The following TTC7A variants were observed in gnomAD, a reference collection of about 807,000 sequenced individuals.
The protein encoded by TTC7A is tetratricopeptide repeat domain 7A, also known as tetratricopeptide repeat protein 7A.
In TTC7A, 110 loss-of-function variants were observed where a neutral mutation model predicts 103.7. The ratio of observed to expected loss-of-function variants is 1.06; its 90% CI spans 0.91 to 1.24. The LOEUF (loss-of-function observed/expected upper bound fraction) is 1.24. Ranked by LOEUF, TTC7A falls within the 50% of genes most tolerant of loss-of-function variation. The pLI is 0.00. For synonymous variants in TTC7A, 521 were observed against 467.9 expected (o/e 1.11, Z -1.47); for missense variants, 1,340 against 1,116.3 (o/e 1.20, Z -2.86).
At chr2:46,979,926 G>A (rs1368527735) in intron 5 of TTC7A, among the ~76,000 whole-genome samples, 1 of 152,156 alleles carries the variant, frequency 6.6e-6, no homozygotes, top group African/African-American at 2.4e-5. Flanking sequence ...TCCCCCGTGC[G>A]TAGTCACGCC....
chr2:46,925,239 C>T (rs867032121), intron 2 of TTC7A, among the ~76,000 whole-genome samples: 123 of 152,214 alleles, frequency 8.1e-4, no homozygotes, highest in African/African-American at 2.6e-3. Flanking sequence ...TACCGGCATG[C>T]ACCACCACAC....
At chr2:46,999,536 C>G (rs1000702953) in intron 8 of TTC7A, 1 of 985,302 alleles carries the variant, frequency 1.0e-6, no homozygotes, top group African/African-American at 1.7e-5. Context: ...CAACGATTAA[C>G]AGTTCAATCA....
rs1375496077 is a variant in TTC7A at position 47,074,622 on chromosome 2, A to T, written c.*699A>T. The T allele has an allele frequency of 6.6e-6, 1 of 152,616 alleles. No individual in the cohort carries two copies. Among genetic ancestry groups the T allele is most frequent in the East Asian group, 1.9e-4 (1 of 5,194 alleles). The allele number at this position is 152,616 out of a possible 1,614,324, so 9.5% of individuals were successfully genotyped here. On this transcript the variant is annotated 3_prime_UTR_variant, in exon 20 of 20. Transcript: ENST00000319190. ...GTGGTTGCTAGATCCAGTCCTTTCT[A>T]ATACCCTGAGTCAACACATTACTCC... is the stretch of plus-strand genomic sequence containing the variant.
chr2:46,937,898 G>T (rs1670060260), upstream of TTC7A, among the ~76,000 whole-genome samples: 1 of 152,098 alleles, frequency 6.6e-6, no homozygotes, highest in Admixed American at 6.6e-5. The surrounding 1 kb of genome is among the most constrained non-coding windows in gnomAD (Gnocchi z 4.0). Context: ...CTGTTCAGCA[G>T]GTCATGGACT....
chr2:46,949,271 T>C (rs967817556), intron 1 of TTC7A, among the ~76,000 whole-genome samples: 3 of 152,234 alleles, frequency 2.0e-5, no homozygotes, highest in African/African-American at 4.8e-5. Flanking sequence ...AATCTCACTT[T>C]GTTGCCCAGG....
intron 11 of TTC7A, among the ~76,000 whole-genome samples, chr2:47,016,559 T>G (rs1003624589): frequency 1.3e-5 from 2 of 152,198 alleles, no homozygotes; most frequent in Non-Finnish European, 2.9e-5. Flanking sequence ...ATGGCTGCCC[T>G]AGATAAACAA....
chr2:46,922,486 A>C (rs780956256), intron 2 of TTC7A, among the ~76,000 whole-genome samples: 2 of 151,990 alleles, frequency 1.3e-5, no homozygotes, highest in Non-Finnish European at 2.9e-5. Flanking sequence ...ATTAGACTAA[A>C]CTCCAGACCT....
chr2:47,049,888 ACTGGG>A, intron 16 of TTC7A, 56 bp from the exon 17 acceptor site: 1 of 1,291,638 alleles, frequency 7.7e-7, no homozygotes, highest in Admixed American at 1.8e-5. Flanking sequence ...CCTCTACCTC[ACTGGG>A]CCCTGTGATG....
At chr2:47,067,032 C>T (rs967864704) in intron 19 of TTC7A, among the ~76,000 whole-genome samples, 6 of 152,130 alleles carry the variant, frequency 3.9e-5, no homozygotes, top group African/African-American at 9.7e-5. Flanking sequence ...AAGGGGAAGC[C>T]GAACTCATCC....
chr2:47,052,270 G>A (rs959826480), intron 18 of TTC7A, among the ~76,000 whole-genome samples: 1 of 152,196 alleles, frequency 6.6e-6, no homozygotes. Flanking sequence ...TAACTTTGAG[G>A]TTGCCATTCA....
chr2:46,974,856 T>A, intron 3 of TTC7A, 117 bp from the exon 4 acceptor site: 63 of 1,393,028 alleles, frequency 4.5e-5, no homozygotes, highest in East Asian at 1.3e-4. Context: ...CTCCGCCTCC[T>A]CCTGGCTGCA....
intron 15 of TTC7A, among the ~76,000 whole-genome samples, chr2:47,035,016 G>T (rs1272086493): frequency 1.3e-5 from 2 of 152,248 alleles, no homozygotes; most frequent in Non-Finnish European, 2.9e-5. Flanking sequence ...TACCTTGACT[G>T]ACTTCAGCTA....
chr2:46,931,674 A>G (rs1669710843), intron 2 of TTC7A, among the ~76,000 whole-genome samples: 1 of 149,852 alleles, frequency 6.7e-6, no homozygotes, highest in African/African-American at 2.5e-5. Context: ...CTTTGGGGGA[A>G]AAAACAAAAA....
chr2:47,068,975 C>T (rs1684429022), intron 19 of TTC7A, among the ~76,000 whole-genome samples: 1 of 151,870 alleles, frequency 6.6e-6, no homozygotes, highest in South Asian at 2.1e-4. Flanking sequence ...CTTTACTGTG[C>T]CTTTGGCTGT....
chr2:47,057,724 G>A (rs142559162), intron 18 of TTC7A, among the ~76,000 whole-genome samples: 1 of 152,254 alleles, frequency 6.6e-6, no homozygotes, highest in East Asian at 1.9e-4. Context: ...GGGGGATTCT[G>A]CCACAGTGGA....
intron 2 of TTC7A, among the ~76,000 whole-genome samples, chr2:46,932,420 A>T (rs769549567): frequency 6.6e-6 from 1 of 152,152 alleles, no homozygotes; most frequent in Non-Finnish European, 1.5e-5. Flanking sequence ...AAGTGCTGGG[A>T]TTACAGGCGT....
intron 16 of TTC7A, among the ~76,000 whole-genome samples, chr2:47,048,000 A>G (rs890876295): frequency 2.6e-5 from 4 of 152,138 alleles, no homozygotes; most frequent in African/African-American, 9.7e-5. Context: ...GATTAAGACC[A>G]CAGCCTGCAG....
chr2:47,023,519 C>G (rs1051376108), intron 13 of TTC7A, 54 bp downstream of exon 13: 3 of 1,579,964 alleles, frequency 1.9e-6, no homozygotes, highest in Non-Finnish European at 8.7e-7. Flanking sequence ...GTGGCAGATT[C>G]ACAAGCTTTA....
At chr2:46,997,865 G>A (rs1023695944) in intron 8 of TTC7A, among the ~76,000 whole-genome samples, 5 of 152,166 alleles carry the variant, frequency 3.3e-5, no homozygotes, top group African/African-American at 1.2e-4. Context: ...CCTCAGGACA[G>A]AGTTCAGATG....
Sources: allele counts gnomAD v4.1 joint callset (sites outside exome capture counted in the v4.1 genomes callset), GRCh38; gene constraint gnomAD v4.1.1; non-coding constraint Gnocchi (gnomAD v3.1); transcripts MANE v1.5; gene names NCBI Gene and HGNC (gene_info 2026-07-23, HGNC 2026-07-21).